Variants in CCND3 observed in about 807,000 individuals in gnomAD.
CCND3 encodes G1/S-specific cyclin-D3.
A neutral mutation model predicts 28.7 loss-of-function variants in CCND3; 9 were observed. The ratio of observed to expected loss-of-function variants is 0.31; its 90% confidence interval spans 0.19 to 0.55. CCND3 has a LOEUF of 0.55. Among genes scored for constraint, CCND3 ranks in the 20% least tolerant of loss-of-function variants. CCND3 has a pLI of 0.93. For missense variants in CCND3, 315 were observed against 385.8 expected (o/e 0.82, Z 1.54); for synonymous variants, 164 against 163.9 (o/e 1.00, Z 0.00).
Position 41,999,080 on chromosome 6 carries a change from A to G in CCND3, c.-46+49421T>C, listed in dbSNP as rs573536774. Reference sequence around the variant, plus strand: ...GAAAACTGACATAAAAAGATTAAGTAACTTGCCCAAGGTCCCACAGCTAGA... The same window carrying G: ...GAAAACTGACATAAAAAGATTAAGTGACTTGCCCAAGGTCCCACAGCTAGA... On this transcript the variant is annotated intron_variant, in intron 1 of 4. Transcript: ENST00000372988. Among the ~76,000 whole-genome samples, 7 of 152,338 alleles carry G rather than the reference A, an allele frequency of 4.6e-5. No homozygotes were observed. In the South Asian group the frequency reaches 1.2e-3, roughly 27 times the overall value.
chr6:41,953,290 A>T (rs1776358962), intron 1 of CCND3, among the ~76,000 whole-genome samples: 1 of 148,736 alleles, frequency 6.7e-6, no homozygotes, highest in Admixed American at 6.7e-5. Flanking sequence ...AAGGTGCAAA[A>T]CATTGAGTCT....
intron 1 of CCND3, among the ~76,000 whole-genome samples, chr6:42,013,936 G>A (rs1373316415): frequency 2.0e-5 from 3 of 152,170 alleles, no homozygotes; most frequent in Non-Finnish European, 2.9e-5. Flanking sequence ...GCTGGGCGTG[G>A]TGGTGTGCGC....
intron 1 of CCND3, among the ~76,000 whole-genome samples, chr6:41,947,044 C>T (rs888080047): frequency 1.3e-5 from 2 of 151,858 alleles, no homozygotes; most frequent in Non-Finnish European, 2.9e-5. Context: ...ATGGTGAAAC[C>T]CCATCTCTAC....
intron 1 of CCND3, among the ~76,000 whole-genome samples, chr6:41,948,952 G>C (rs1776238186): frequency 6.6e-6 from 1 of 152,164 alleles, no homozygotes; most frequent in Non-Finnish European, 1.5e-5. Context: ...AGACACAGTA[G>C]ATAGCACATG....
upstream of CCND3, among the ~76,000 whole-genome samples, chr6:41,946,100 C>T (rs1048187438): frequency 3.9e-5 from 6 of 152,154 alleles, no homozygotes; most frequent in Non-Finnish European, 8.8e-5. Context: ...TCTGCCACTC[C>T]ACTCCCTCAC....
chr6:42,006,099 C>T (rs779318828), intron 1 of CCND3, among the ~76,000 whole-genome samples: 27 of 151,648 alleles, frequency 1.8e-4, no homozygotes, highest in Non-Finnish European at 3.2e-4. Context: ...CACCAGAGCT[C>T]AAGGCTACAG....
In CCND3 at chr6:41,941,277, T is replaced by C; in HGVS notation, c.198+175A>G. On this transcript the variant is annotated intron_variant, in intron 1 of 4. Coordinates refer to ENST00000372991, the MANE Select transcript of CCND3 (RefSeq NM_001760.5). The surrounding 1 kb of genome is among the most constrained non-coding windows in gnomAD (Gnocchi z 6.1). ...ACTGTCGGGAGGAGCCGATTAGGGCTCGGGAAAGCAAGGGAGGCAGCTGGC... is the reference window on the plus strand; with the variant it reads ...ACTGTCGGGAGGAGCCGATTAGGGCCCGGGAAAGCAAGGGAGGCAGCTGGC... 1 of 1,440,036 alleles carries C rather than the reference T, an allele frequency of 6.9e-7. No homozygotes were observed. The highest frequency in any genetic ancestry group is 9.1e-7 in the Non-Finnish European group (1 of 1,100,318). 89.2% of individuals were successfully genotyped at this position (1,440,036 alleles called of 1,614,324 possible).
chr6:41,987,586 A>T (rs1205505350), intron 1 of CCND3, among the ~76,000 whole-genome samples: 1 of 146,854 alleles, frequency 6.8e-6, no homozygotes, highest in Non-Finnish European at 1.5e-5. Context: ...TCTGTCGTTC[A>T]GGCTACCAGT....
chr6:41,949,596 A>T (rs1776254598), intron 1 of CCND3, among the ~76,000 whole-genome samples: 1 of 151,748 alleles, frequency 6.6e-6, no homozygotes, highest in Admixed American at 6.6e-5. Context: ...CCGTCTCAAA[A>T]CAAAAAAAAA....
chr6:41,946,068 C>T (rs1776159535), upstream of CCND3, among the ~76,000 whole-genome samples: 1 of 152,104 alleles, frequency 6.6e-6, no homozygotes, highest in African/African-American at 2.4e-5. Flanking sequence ...AGAGGACCCT[C>T]CAGGGCCTGG....
intron 1 of CCND3, among the ~76,000 whole-genome samples, chr6:42,012,841 T>C (rs2127428580): frequency 6.6e-6 from 1 of 152,362 alleles, no homozygotes; most frequent in East Asian, 1.9e-4. Context: ...AGATTCATTA[T>C]ATGCTATCCT....
At chr6:42,003,862 A>G (rs1278414764) in intron 1 of CCND3, among the ~76,000 whole-genome samples, 1 of 148,010 alleles carries the variant, frequency 6.8e-6, no homozygotes, top group Non-Finnish European at 1.5e-5. Flanking sequence ...GGATCACTTG[A>G]GCCTGGGAGG....
chr6:41,980,231 G>T (rs1023124557), intron 1 of CCND3, among the ~76,000 whole-genome samples: 6 of 151,572 alleles, frequency 4.0e-5, no homozygotes, highest in African/African-American at 1.5e-4. Flanking sequence ...TGCCTTCCAG[G>T]TTCAAGTGAT....
chr6:41,980,035 C>CACACACACACAA (rs1337473570), intron 1 of CCND3, among the ~76,000 whole-genome samples: 1 of 151,814 alleles, frequency 6.6e-6, no homozygotes, highest in African/African-American at 2.4e-5. Context: ...CACACACACA[C>CACACACACACAA]AATCAAACCT....
At chr6:41,943,735 C>G (rs1024843040), upstream of CCND3, among the ~76,000 whole-genome samples, 6 of 152,278 alleles carry the variant, frequency 3.9e-5, 1 homozygote, top group Admixed American at 3.9e-4. Flanking sequence ...TCTTTTCCAC[C>G]ATCATTACAT....
chr6:42,027,199 G>A (rs1015631554), intron 1 of CCND3, among the ~76,000 whole-genome samples: 24 of 152,128 alleles, frequency 1.6e-4, no homozygotes, highest in African/African-American at 5.6e-4. Context: ...CAGCACTTTG[G>A]GAGGCCGAGA....
chr6:41,980,089 T>C (rs1490141469), intron 1 of CCND3, among the ~76,000 whole-genome samples: 1 of 150,004 alleles, frequency 6.7e-6, no homozygotes, highest in Non-Finnish European at 1.5e-5. Flanking sequence ...AAAAGACAAA[T>C]CTTAAAAACA....
intron 1 of CCND3, among the ~76,000 whole-genome samples, chr6:41,976,357 G>GA (rs113788088): frequency 0.16 from 23,391 of 149,326 alleles, 2,288 homozygotes; most frequent in Middle Eastern, 0.32. Context: ...GTCAAAAAAA[G>GA]AAAAAAAAAA....
rs1310913685 is a variant in CCND3, at chr6:41,951,570, AC to A, written c.-45-10986del. On this transcript the variant is annotated intron_variant, in intron 1 of 4. Transcript: ENST00000372988. ...CACACACACACACACACACACACAC[AC>A]ACACAAAAAAAAAGATTAAGTGGGA... Among the ~76,000 whole-genome samples the A allele has an allele frequency of 5.9e-4, 75 of 126,292 alleles. 1 individual carries two copies. Among genetic ancestry groups the A allele is most frequent in the East Asian group, 7.3e-4 (3 of 4,092 alleles). The allele number at this position is 126,292 out of a possible 152,430, so 82.9% of individuals were successfully genotyped here.
Sources: gnomAD v4.1 joint callset for allele counts (sites outside exome capture counted in the v4.1 genomes callset) on GRCh38, gnomAD v4.1.1 for gene constraint, Gnocchi (gnomAD v3.1) non-coding constraint, MANE v1.5 for transcripts, NCBI Gene and HGNC (gene_info 2026-07-23, HGNC 2026-07-21) for gene names.